Variants in SPSB4 observed in about 807,000 individuals in gnomAD.
SPSB4 encodes the protein splA/ryanodine receptor domain and SOCS box containing 4.
SPSB4 carries 21 observed loss-of-function variants against 20.9 expected under a neutral mutation model. The ratio of observed to expected loss-of-function variants is 1.01; its 90% CI spans 0.71 to 1.45. The LOEUF is 1.45. Among genes scored for constraint, SPSB4 ranks in the 40% most tolerant of loss-of-function variants. The probability of loss-of-function intolerance (pLI) is 0.00; values close to 1 mark genes in which losing one functional copy is unlikely to be tolerated. For missense variants in SPSB4, 399 were observed against 399.2 expected (o/e 1.00, Z 0.00); for synonymous variants, 207 against 183.8 (o/e 1.13, Z -1.02).
chr3:141,125,619 A>G (rs1340332435), intron 2 of SPSB4, among the ~76,000 whole-genome samples: 1 of 152,120 alleles, frequency 6.6e-6, no homozygotes, highest in Non-Finnish European at 1.5e-5. Flanking sequence ...TAAGCAGTGA[A>G]TGGATTTCAG....
intron 2 of SPSB4, 66 bp from the exon 3 acceptor site, chr3:141,147,076 G>A: frequency 6.3e-7 from 1 of 1,597,024 alleles, no homozygotes. Context: ...GTATGCAGTG[G>A]GGGCTGGGAT....
intron 2 of SPSB4, among the ~76,000 whole-genome samples, chr3:141,136,786 T>C (rs1343562106): frequency 6.6e-6 from 1 of 152,236 alleles, no homozygotes; most frequent in African/African-American, 2.4e-5. Context: ...TGCCTCCAGC[T>C]TTGTTCTGTT....
chr3:141,128,614 G>A (rs560576854), intron 2 of SPSB4, among the ~76,000 whole-genome samples: 1 of 152,242 alleles, frequency 6.6e-6, no homozygotes, highest in South Asian at 2.1e-4. Flanking sequence ...CAGAATGCTT[G>A]GTCCAGTTGA....
At chr3:141,074,764 G>A (rs913330802) in intron 2 of SPSB4, among the ~76,000 whole-genome samples, 15 of 152,342 alleles carry the variant, frequency 9.8e-5, no homozygotes, top group Admixed American at 8.5e-4. Flanking sequence ...ATGAGCTGCC[G>A]AGGTGGCGGC....
In SPSB4 at chr3:141,066,323, C is replaced by T. The variant is rs150007133; in HGVS notation, c.219C>T (p.Leu73=). The change falls in exon 2 of 3, where the codon CTC becomes CTT. Residue 73 remains leucine, a synonymous_variant. Coordinates refer to ENST00000310546, the MANE Select transcript of SPSB4 (RefSeq NM_080862.3). ...TCTTCGTCAAGGACGACGACCGGCT[C>T]ACCTTCCACCGGCACCCCGTGGCCC... The part of the protein sequence containing the change: ...LNVFVKDDDR[L]TFHRHPVAQS... The T allele has an allele frequency of 5.5e-5, 86 of 1,571,358 alleles. No homozygotes were observed. In the African/African-American group the frequency reaches 1.1e-3, roughly 20 times the overall value.
chr3:141,090,440 G>T lies in SPSB4; in HGVS notation c.694+23642G>T, dbSNP rs769307412. Among the ~76,000 whole-genome samples the T allele has an allele frequency of 3.3e-5, 5 of 152,332 alleles. No homozygotes were observed. The East Asian group carries it at 5.8e-4, about 18-fold the overall frequency. On this transcript the variant is annotated intron_variant, in intron 2 of 2. Coordinates refer to ENST00000310546, the MANE Select transcript of SPSB4 (RefSeq NM_080862.3). ...AAGGAGCTGGAGTGTGTTGGAGGAG[G>T]CTGGGGCTTGCAATTTTAAATAAGA...
At chr3:141,109,074 AT>A (rs978978273) in intron 2 of SPSB4, among the ~76,000 whole-genome samples, 2 of 152,164 alleles carry the variant, frequency 1.3e-5, no homozygotes, top group African/African-American at 4.8e-5. Flanking sequence ...GATTTTACTT[AT>A]TTTGAATACA....
chr3:141,067,504 C>CTA (rs1333797065), intron 2 of SPSB4, among the ~76,000 whole-genome samples: 2 of 152,212 alleles, frequency 1.3e-5, no homozygotes, highest in Non-Finnish European at 2.9e-5. Context: ...GCTGAAAAGT[C>CTA]TATATGGGCA....
At chr3:141,084,694 A>G (rs1019230439) in intron 2 of SPSB4, among the ~76,000 whole-genome samples, 3 of 152,212 alleles carry the variant, frequency 2.0e-5, no homozygotes, top group African/African-American at 4.8e-5. Context: ...ACCTGGACCA[A>G]TAGACCAAGC....
chr3:141,072,816 C>G (rs1938032058), intron 2 of SPSB4, among the ~76,000 whole-genome samples: 1 of 152,120 alleles, frequency 6.6e-6, no homozygotes, highest in Non-Finnish European at 1.5e-5. Flanking sequence ...CTCGGCCCCC[C>G]ATCCGCTCCT....
intron 2 of SPSB4, among the ~76,000 whole-genome samples, chr3:141,119,568 C>T (rs553801295): frequency 4.6e-5 from 7 of 152,206 alleles, no homozygotes; most frequent in East Asian, 3.9e-4. Flanking sequence ...TGTCTTGTGC[C>T]GGTTTTCAAA....
At chr3:141,122,572 G>C (rs1036846752) in intron 2 of SPSB4, among the ~76,000 whole-genome samples, 24 of 152,230 alleles carry the variant, frequency 1.6e-4, no homozygotes, top group African/African-American at 5.3e-4. Context: ...GCTGTGGTGG[G>C]CTCTGTCCTA....
At chr3:141,137,853 T>C (rs1358353077) in intron 2 of SPSB4, among the ~76,000 whole-genome samples, 1 of 152,232 alleles carries the variant, frequency 6.6e-6, no homozygotes, top group African/African-American at 2.4e-5. Flanking sequence ...CCTCATAAAA[T>C]GAGTTAGGGA....
chr3:141,133,100 A>G (rs1430341660), intron 2 of SPSB4, among the ~76,000 whole-genome samples: 1 of 152,150 alleles, frequency 6.6e-6, no homozygotes, highest in African/African-American at 2.4e-5. Context: ...CCATTTGTAT[A>G]TCTTCTTTTG....
At chr3:141,109,601 A>T (rs1199416572) in intron 2 of SPSB4, among the ~76,000 whole-genome samples, 5 of 151,966 alleles carry the variant, frequency 3.3e-5, no homozygotes, top group African/African-American at 1.2e-4. Context: ...CGGCCTCGTG[A>T]TGTGGATTTT....
intron 1 of SPSB4, among the ~76,000 whole-genome samples, chr3:141,054,183 T>C (rs964031077): frequency 2.0e-5 from 3 of 152,192 alleles, no homozygotes; most frequent in Non-Finnish European, 2.9e-5. Flanking sequence ...AGTTACTTAA[T>C]TTCCCCTGAG....
At chr3:141,095,021 A>G (rs1455285865) in intron 2 of SPSB4, among the ~76,000 whole-genome samples, 2 of 151,928 alleles carry the variant, frequency 1.3e-5, no homozygotes, top group Non-Finnish European at 2.9e-5. Flanking sequence ...GATGCATTGT[A>G]TCATATGAGA....
intron 2 of SPSB4, among the ~76,000 whole-genome samples, chr3:141,134,049 C>CTTTTTTTTTTTTTTTTTTTTTTTTTTTT (rs1939184001): frequency 9.4e-5 from 6 of 63,894 alleles, no homozygotes; most frequent in African/African-American, 2.0e-4. Flanking sequence ...TTTTTTTTTT[C>CTTTTTTTTTTTTTTTTTTTTTTTTTTTT]TTTTTTCTTT....
intron 2 of SPSB4, among the ~76,000 whole-genome samples, chr3:141,140,293 CTTGGAGTAGT>C (rs1939303363): frequency 6.6e-6 from 1 of 152,162 alleles, no homozygotes; most frequent in African/African-American, 2.4e-5. Flanking sequence ...CCTCCTTTAG[CTTGGAGTAGT>C]TTGATCTTCT....
Sources: gnomAD v4.1 joint callset for allele counts (sites outside exome capture counted in the v4.1 genomes callset) on GRCh38, gnomAD v4.1.1 for gene constraint, MANE v1.5 for transcripts, NCBI Gene and HGNC (gene_info 2026-07-23, HGNC 2026-07-21) for gene names.